RASGRP3: variants seen among roughly 807,000 people sequenced by gnomAD.
The protein encoded by RASGRP3 is ras guanyl-releasing protein 3.
In RASGRP3, 54 loss-of-function variants were observed where a neutral mutation model predicts 82.7. The ratio of observed to expected loss-of-function variants is 0.65; its 90% CI spans 0.52 to 0.82. The LOEUF is 0.82. Ranked by LOEUF, RASGRP3 falls within the 40% of genes least tolerant of loss-of-function variation. The pLI, the probability that RASGRP3 is intolerant of heterozygous loss-of-function variation, is 0.00. For synonymous variants in RASGRP3, 309 were observed against 300.5 expected (o/e 1.03, Z -0.29); for missense variants, 861 against 828.9 (o/e 1.04, Z -0.48).
At chr2:33,472,885 A>G (rs935059012), upstream of RASGRP3, among the ~76,000 whole-genome samples, 1 of 151,684 alleles carries the variant, frequency 6.6e-6, no homozygotes, top group Non-Finnish European at 1.5e-5. Flanking sequence ...AAAAAAAAAA[A>G]AAAGCAAAAA....
intron 12 of RASGRP3, among the ~76,000 whole-genome samples, chr2:33,541,530 G>A (rs1249997477): frequency 1.4e-5 from 2 of 147,032 alleles, no homozygotes; most frequent in East Asian, 3.9e-4. Context: ...AAGAGTACCT[G>A]TTGTCTCATA....
chr2:33,561,577 G>A (rs1393608778), intron 17 of RASGRP3, among the ~76,000 whole-genome samples: 4 of 151,944 alleles, frequency 2.6e-5, no homozygotes, highest in Non-Finnish European at 4.4e-5. Context: ...TATACCCAGC[G>A]GTTGAATATG....
At chr2:33,460,484 C>A (rs184470929) in intron 2 of RASGRP3, among the ~76,000 whole-genome samples, 166 of 151,352 alleles carry the variant, frequency 1.1e-3, no homozygotes, top group African/African-American at 3.9e-3. Flanking sequence ...ATTCAACTTG[C>A]TACAGTGGGC....
At chr2:33,479,150 C>G (rs1667647504) in intron 1 of RASGRP3, among the ~76,000 whole-genome samples, 1 of 152,194 alleles carries the variant, frequency 6.6e-6, no homozygotes, top group African/African-American at 2.4e-5. Context: ...ATTACACACA[C>G]AATGTGTGTT....
chr2:33,534,405 G>C lies in RASGRP3; in HGVS notation c.1161+5G>C, dbSNP rs1455179933. The C allele has an allele frequency of 6.5e-7, 1 of 1,528,846 alleles. No individual in the cohort carries two copies. The highest frequency in any genetic ancestry group is 2.3e-5 in the East Asian group (1 of 44,254). 94.7% of individuals were successfully genotyped at this position (1,528,846 alleles called of 1,614,324 possible). ...GAGCCTAGAAATTCTAAATCGGTAG[G>C]TATTATTTTCTCTCCAAGGATCAGT... On this transcript the variant is annotated splice_donor_5th_base_variant and intron_variant, in intron 11 of 17. Transcript: ENST00000403687.
chr2:33,450,028 T>TGGGACTAGAGTCTTCGGAAGACTCAATA (rs1184700564), intron 2 of RASGRP3, among the ~76,000 whole-genome samples: 3 of 152,176 alleles, frequency 2.0e-5, no homozygotes, highest in African/African-American at 7.2e-5. Flanking sequence ...AGTTGTCACT[T>TGGGACTAGAGTCTTCGGAAGACTCAATA]GGGACTAGAG....
At chr2:33,448,020 G>A (rs953712651) in intron 2 of RASGRP3, 3 of 152,200 alleles carry the variant, frequency 2.0e-5, no homozygotes, top group East Asian at 1.9e-4. Context: ...CTGATCACAT[G>A]TTTTCAACCC....
chr2:33,515,673 C>T (rs545562883), intron 3 of RASGRP3, among the ~76,000 whole-genome samples: 2 of 152,208 alleles, frequency 1.3e-5, no homozygotes, highest in African/African-American at 4.8e-5. Context: ...GTGAGTAGCA[C>T]AATTGACTAC....
intron 1 of RASGRP3, among the ~76,000 whole-genome samples, chr2:33,506,590 A>G (rs903660801): frequency 2.0e-5 from 3 of 152,366 alleles, no homozygotes; most frequent in African/African-American, 7.2e-5. Flanking sequence ...GTTGATTATT[A>G]ATTCCCCATT....
At chr2:33,560,753 C>T (rs1676558845) in intron 17 of RASGRP3, among the ~76,000 whole-genome samples, 1 of 152,200 alleles carries the variant, frequency 6.6e-6, no homozygotes, top group African/African-American at 2.4e-5. Flanking sequence ...CAGGATGGCG[C>T]CCACCTTGTG....
chr2:33,470,380 ATT>A (rs34404371), intron 2 of RASGRP3, among the ~76,000 whole-genome samples: 74,143 of 132,148 alleles, frequency 0.56, 20,218 homozygotes, highest in African/African-American at 0.59. Context: ...ATAACTAAGA[ATT>A]TTTTTTTTTT....
chr2:33,472,644 G>C (rs549095664), upstream of RASGRP3, among the ~76,000 whole-genome samples: 5 of 152,062 alleles, frequency 3.3e-5, no homozygotes, highest in African/African-American at 7.2e-5. Flanking sequence ...TTCAAGGGGT[G>C]GTTGGTCAGT....
rs752750236 is a variant in RASGRP3 at position 33,527,415 on chromosome 2, G to A, written c.1083+3G>A. 6.2e-7 allele frequency: 1 copy of A among 1,605,064 alleles called. No individual in the cohort carries two copies. Among genetic ancestry groups the A allele is most frequent in the Middle Eastern group, 1.7e-4 (1 of 6,026 alleles). ...TGGATTTGATCAACCTGCTCACGGT[G>A]AGTTCCAAGGAGCCAAGTTTGGGCT... On this transcript the variant is annotated splice_donor_region_variant and intron_variant, in intron 10 of 17. Coordinates refer to ENST00000403687, the MANE Select transcript of RASGRP3 (RefSeq NM_001139488.2).
rs1676830340 is a variant in RASGRP3 at position 33,562,795 on chromosome 2, A to G, written c.*58A>G. 2 of 1,585,956 alleles carry G rather than the reference A, an allele frequency of 1.3e-6. No homozygotes were observed. The highest frequency in any genetic ancestry group is 1.7e-6 in the Non-Finnish European group (2 of 1,154,946). ...TGGCTTTTGGAAGGGGCAAGACGAG[A>G]AACTCTGAAGAAAGCTCTGACTCTC... On this transcript the variant is annotated 3_prime_UTR_variant, in exon 18 of 18. Coordinates refer to ENST00000403687, the MANE Select transcript of RASGRP3 (RefSeq NM_001139488.2).
chr2:33,493,866 C>G (rs1420032103), intron 1 of RASGRP3, among the ~76,000 whole-genome samples: 1 of 152,042 alleles, frequency 6.6e-6, no homozygotes, highest in East Asian at 1.9e-4. Context: ...AATTCCATGA[C>G]TGGTGATAGC....
chr2:33,545,964 G>A (rs572467204), intron 13 of RASGRP3, among the ~76,000 whole-genome samples: 2 of 152,066 alleles, frequency 1.3e-5, no homozygotes, highest in African/African-American at 4.8e-5. Context: ...CACCACGCCA[G>A]GCAATTTTTT....
rs536652948 is a variant in RASGRP3, at chr2:33,483,301, A to G, written c.-261+6594A>G. On this transcript the variant is annotated intron_variant, in intron 1 of 17. Coordinates refer to ENST00000403687, the MANE Select transcript of RASGRP3 (RefSeq NM_001139488.2). ...TCAGGTGGATCGATCTCCACCCCAC[A>G]ATAGGTTCTAAGCCCCTTGGAAAGA... Among the ~76,000 whole-genome samples the G allele has an allele frequency of 7.9e-5, 12 of 152,266 alleles. No individual in the cohort carries two copies. In the South Asian group the frequency reaches 1.2e-3, roughly 16 times the overall value.
chr2:33,453,011 T>C (rs952071766), intron 2 of RASGRP3, among the ~76,000 whole-genome samples: 1 of 152,188 alleles, frequency 6.6e-6, no homozygotes. Context: ...TTCACTCTCC[T>C]TCCCCCACAG....
chr2:33,538,981 G>T, intron 11 of RASGRP3, 113 bp from the exon 12 acceptor site: 1 of 709,302 alleles, frequency 1.4e-6, no homozygotes, highest in East Asian at 2.8e-5. Flanking sequence ...AGAAATTGTA[G>T]TGAGCCGAAA....
Sources: gnomAD v4.1 joint callset for allele counts (sites outside exome capture counted in the v4.1 genomes callset) on GRCh38, gnomAD v4.1.1 for gene constraint, MANE v1.5 for transcripts, NCBI Gene and HGNC (gene_info 2026-07-23, HGNC 2026-07-21) for gene names.